The following ORC5 variants were observed in gnomAD, a reference collection of about 807,000 sequenced individuals.
The protein encoded by ORC5 is origin recognition complex subunit 5, also known as protein phosphatase 1, regulatory subunit 117.
ORC5 carries 39 observed loss-of-function variants against 58.8 expected under a neutral mutation model. The ratio of observed to expected loss-of-function variants is 0.66; its 90% CI spans 0.51 to 0.87. The LOEUF (loss-of-function observed/expected upper bound fraction) is 0.87, where lower values mean the gene tolerates loss of function less well. Among genes scored for constraint, ORC5 ranks in the 40% least tolerant of loss-of-function variants. The pLI, the probability that ORC5 is intolerant of heterozygous loss-of-function variation, is 0.00. For synonymous variants in ORC5, 218 were observed against 177.6 expected (o/e 1.23, Z -1.81); for missense variants, 493 against 506.3 (o/e 0.97, Z 0.25).
At chr7:104,202,532 CCTGT>C (rs980359984) in intron 2 of ORC5, 19 of 456,364 alleles carry the variant, frequency 4.2e-5, no homozygotes, top group Middle Eastern at 3.2e-4. Context: ...ATTCTAAGTG[CCTGT>C]CTGAGTCCCT....
At chr7:104,166,079 C>CA (rs1433228018) in intron 10 of ORC5, among the ~76,000 whole-genome samples, 1 of 151,468 alleles carries the variant, frequency 6.6e-6, no homozygotes, top group Admixed American at 6.6e-5. Context: ...CAAGACATGA[C>CA]AAAAAAATGA....
intron 12 of ORC5, among the ~76,000 whole-genome samples, chr7:104,149,012 C>A (rs531619023): frequency 2.1e-5 from 3 of 142,140 alleles, no homozygotes; most frequent in Admixed American, 7.4e-5. Flanking sequence ...CCCACCTGGG[C>A]GACAGAGTAA....
chr7:104,195,403 C>T (rs1799776968), intron 4 of ORC5, 149 bp from the exon 5 acceptor site: 1 of 519,458 alleles, frequency 1.9e-6, no homozygotes, highest in South Asian at 2.9e-5. Flanking sequence ...ATTTAGAAAA[C>T]CTAATCAAGG....
In ORC5 at chr7:104,133,293, G is replaced by A. The variant is rs1207779144; in HGVS notation, c.1262+3488C>T. On this transcript the variant is annotated intron_variant, in intron 13 of 13. Transcript: ENST00000297431. The surrounding 1 kb of genome is among the most constrained non-coding windows in gnomAD (Gnocchi z 4.7). ...AGAGATGATGGTGGCTTGATCTAGAGTGGTAAAAGTATCATGATAACAAGT... is the reference window on the plus strand; with the variant it reads ...AGAGATGATGGTGGCTTGATCTAGAATGGTAAAAGTATCATGATAACAAGT... Among the ~76,000 whole-genome samples the A allele has an allele frequency of 6.6e-6, 1 of 152,136 alleles. No homozygotes were observed. The highest frequency in any genetic ancestry group is 1.5e-5 in the Non-Finnish European group (1 of 68,030).
chr7:104,204,027 G>A (rs770382582), intron 2 of ORC5, 115 bp downstream of exon 2: 1 of 534,134 alleles, frequency 1.9e-6, no homozygotes, highest in East Asian at 3.2e-5. Flanking sequence ...AATATGGGAA[G>A]GAGAGTAATG....
At chr7:104,152,624 T>A (rs1240182942) in intron 12 of ORC5, among the ~76,000 whole-genome samples, 1 of 152,186 alleles carries the variant, frequency 6.6e-6, no homozygotes. Flanking sequence ...CTCTTAAACA[T>A]GCATTTGCAA....
At chr7:104,173,854 T>C (rs1446129657) in intron 8 of ORC5, among the ~76,000 whole-genome samples, 1 of 144,992 alleles carries the variant, frequency 6.9e-6, no homozygotes, top group African/African-American at 2.5e-5. Context: ...TCTTTTTTTT[T>C]TTTTTTTTGA....
At chr7:104,159,203 C>A in intron 12 of ORC5, among the ~76,000 whole-genome samples, 1 of 149,816 alleles carries the variant, frequency 6.7e-6, no homozygotes, top group African/African-American at 2.5e-5. Context: ...TTGAAATCAT[C>A]ATTCTCAGTA....
chr7:104,200,308 G>T (rs1321612465), intron 3 of ORC5, among the ~76,000 whole-genome samples: 1 of 152,054 alleles, frequency 6.6e-6, no homozygotes, highest in Admixed American at 6.6e-5. Flanking sequence ...CTATCTTCCA[G>T]TCTTCTTTTT....
At chr7:104,185,058 C>T (rs1799515084) in intron 6 of ORC5, among the ~76,000 whole-genome samples, 2 of 140,582 alleles carry the variant, frequency 1.4e-5, no homozygotes, top group South Asian at 2.5e-4. Flanking sequence ...TTTTGAGTCT[C>T]ATATTTTGTG....
chr7:104,169,596 A>G (rs1799173842), intron 8 of ORC5, among the ~76,000 whole-genome samples: 1 of 152,214 alleles, frequency 6.6e-6, no homozygotes, highest in Non-Finnish European at 1.5e-5. Flanking sequence ...GAGCTAATTT[A>G]CAGGGCTAAT....
intron 11 of ORC5, among the ~76,000 whole-genome samples, chr7:104,161,595 A>G (rs1034220209): frequency 2.0e-5 from 3 of 151,646 alleles, no homozygotes; most frequent in Non-Finnish European, 2.9e-5. Context: ...CTGGTCTTAA[A>G]CTCCTGGCCT....
At chr7:104,159,532 A>G (rs911345461) in intron 12 of ORC5, among the ~76,000 whole-genome samples, 1 of 151,868 alleles carries the variant, frequency 6.6e-6, no homozygotes. Context: ...AAAAAAAAAA[A>G]AAGTATTTTC....
chr7:104,193,730 A>C (rs548049617), intron 5 of ORC5, among the ~76,000 whole-genome samples: 1 of 151,064 alleles, frequency 6.6e-6, no homozygotes, highest in Non-Finnish European at 1.5e-5. Flanking sequence ...AAAAAAAAAA[A>C]ACAAAACTGA....
rs1211742554 is a variant in ORC5 at position 104,126,914 on chromosome 7, T to C, written c.1263-21A>G. ...CCGTCCTAAAAACAAAAACAGATAA[T>C]ATGTTAGCATTCTCACCCCTAGATT... is the stretch of plus-strand genomic sequence containing the variant. On this transcript the variant is annotated intron_variant, in intron 13 of 13. Transcript: ENST00000297431. 6 of 1,551,038 alleles carry C rather than the reference T, an allele frequency of 3.9e-6. No homozygotes were observed. The African/African-American group carries it at 4.1e-5, about 11-fold the overall frequency.
chr7:104,186,429 TG>T (rs146816356), intron 6 of ORC5, among the ~76,000 whole-genome samples: 89 of 152,278 alleles, frequency 5.8e-4, no homozygotes, highest in African/African-American at 2.1e-3. Flanking sequence ...ATTTTCTCTT[TG>T]GTTGAAACAC....
Position 104,184,008 on chromosome 7 carries a change from C to A in ORC5, c.759G>T (p.Leu253=). 3.7e-6 allele frequency: 6 copies of A among 1,613,598 alleles called. No individual in the cohort carries two copies. Among genetic ancestry groups the A allele is most frequent in the Non-Finnish European group, 5.1e-6 (6 of 1,179,792 alleles). The change falls in exon 8 of 14, where the codon CTG becomes CTT. Residue 253 remains leucine, a synonymous_variant. Transcript: ENST00000297431. ...GEASERDTRK[L]WRNIEPHLKK... ...TCAAATGAGGTTCAATATTTCTCCA[C>A]AGTTTGCGAGTATCACGTTCACTTG...
chr7:104,130,662 C>G (rs1798499432), intron 13 of ORC5, among the ~76,000 whole-genome samples: 1 of 152,212 alleles, frequency 6.6e-6, no homozygotes, highest in African/African-American at 2.4e-5. Context: ...TTTCTTACCT[C>G]CAATAACCTT....
At chr7:104,159,520 C>CA (rs200032572) in intron 12 of ORC5, among the ~76,000 whole-genome samples, 2,444 of 125,532 alleles carry the variant, frequency 0.019, 61 homozygotes, top group African/African-American at 0.065. Context: ...TAGAGAAAGC[C>CA]AAAAAAAAAA....
Sources: allele counts gnomAD v4.1 joint callset (sites outside exome capture counted in the v4.1 genomes callset), GRCh38; gene constraint gnomAD v4.1.1; non-coding constraint Gnocchi (gnomAD v3.1); transcripts MANE v1.5; gene names NCBI Gene and HGNC (gene_info 2026-07-23, HGNC 2026-07-21).